Variants in CDH12 observed in about 807,000 individuals in gnomAD.
CDH12 encodes the protein cadherin-12.
A neutral mutation model predicts 74.1 loss-of-function variants in CDH12; 41 were observed. The ratio of observed to expected loss-of-function variants is 0.55; its 90% confidence interval spans 0.43 to 0.72. The LOEUF is 0.72. Ranked by LOEUF, CDH12 falls within the 30% of genes least tolerant of loss-of-function variation. The pLI is 0.00. For missense variants in CDH12, 945 were observed against 977.2 expected, an observed-to-expected ratio of 0.97 and a Z score of 0.44; for synonymous variants, 399 against 355.0, an observed-to-expected ratio of 1.12 and a Z score of -1.39.
intron 3 of CDH12, among the ~76,000 whole-genome samples, chr5:22,396,307 T>C (rs937644887): frequency 2.0e-5 from 3 of 152,254 alleles, no homozygotes; most frequent in East Asian, 1.9e-4. Context: ...TATAAAAATC[T>C]GGCTGAATCA....
At chr5:22,587,856 A>G (rs1469765002) in intron 1 of CDH12, among the ~76,000 whole-genome samples, 1 of 149,572 alleles carries the variant, frequency 6.7e-6, no homozygotes, top group Admixed American at 6.7e-5. Context: ...AGATATATAT[A>G]TATATATACA....
At chr5:22,566,316 C>T (rs1300473790) in intron 1 of CDH12, among the ~76,000 whole-genome samples, 1 of 151,478 alleles carries the variant, frequency 6.6e-6, no homozygotes, top group Non-Finnish European at 1.5e-5. Context: ...CCACTCACTG[C>T]AACCTCCACC....
intron 3 of CDH12, among the ~76,000 whole-genome samples, chr5:22,379,334 G>T (rs567511941): frequency 2.6e-5 from 4 of 152,060 alleles, no homozygotes; most frequent in Non-Finnish European, 4.4e-5. Context: ...GAAATGGCAC[G>T]CTTTCTATTT....
At chr5:21,921,166 A>G (rs1754333664) in intron 6 of CDH12, among the ~76,000 whole-genome samples, 1 of 152,200 alleles carries the variant, frequency 6.6e-6, no homozygotes, top group Non-Finnish European at 1.5e-5. Context: ...AAAAGAAATA[A>G]AAAAGACACA....
intron 1 of CDH12, among the ~76,000 whole-genome samples, chr5:22,634,044 T>C (rs1219684880): frequency 6.6e-6 from 1 of 152,116 alleles, no homozygotes; most frequent in African/African-American, 2.4e-5. Context: ...TTGAACAAGA[T>C]TATTCTAAAT....
At chr5:22,513,190 G>A (rs1164270565) in intron 1 of CDH12, among the ~76,000 whole-genome samples, 1 of 152,016 alleles carries the variant, frequency 6.6e-6, no homozygotes, top group Non-Finnish European at 1.5e-5. Context: ...TGTGGTGCAC[G>A]GTACTTAGAA....
At chr5:21,834,010 T>A (rs2149975917) in intron 8 of CDH12, among the ~76,000 whole-genome samples, 1 of 152,044 alleles carries the variant, frequency 6.6e-6, no homozygotes, top group East Asian at 1.9e-4. Context: ...AAAAAGCTGG[T>A]TTTATAATGT....
intron 1 of CDH12, among the ~76,000 whole-genome samples, chr5:22,538,861 C>G (rs188205613): frequency 6.6e-6 from 1 of 152,156 alleles, no homozygotes; most frequent in Admixed American, 6.5e-5. Flanking sequence ...TGTATTAACA[C>G]TTCATATAAT....
intron 1 of CDH12, among the ~76,000 whole-genome samples, chr5:22,649,310 G>A (rs1245686234): frequency 6.6e-6 from 1 of 152,016 alleles, no homozygotes; most frequent in African/African-American, 2.4e-5. Context: ...AACTGTGTGA[G>A]CTAATGAAAA....
chr5:22,135,063 A>C (rs951338426), intron 4 of CDH12, among the ~76,000 whole-genome samples: 25 of 152,180 alleles, frequency 1.6e-4, no homozygotes, highest in African/African-American at 5.8e-4. Context: ...AAGAGCAAAC[A>C]AATTGCACCA....
intron 1 of CDH12, among the ~76,000 whole-genome samples, chr5:22,702,618 A>G (rs532085426): frequency 2.0e-4 from 30 of 152,154 alleles, no homozygotes; most frequent in African/African-American, 6.7e-4. Context: ...ATGGGCTAAG[A>G]AGAAAGTGAA....
At chr5:22,550,830 G>T (rs1738531620) in intron 1 of CDH12, among the ~76,000 whole-genome samples, 1 of 152,166 alleles carries the variant, frequency 6.6e-6, no homozygotes, top group Non-Finnish European at 1.5e-5. Context: ...CCTGAACATG[G>T]GTTCTGCCTC....
At chr5:22,573,910 C>T (rs2126770032) in intron 1 of CDH12, among the ~76,000 whole-genome samples, 1 of 152,106 alleles carries the variant, frequency 6.6e-6, no homozygotes, top group South Asian at 2.1e-4. Flanking sequence ...CTGGAAGGAA[C>T]TAGCTTCCTT....
intron 1 of CDH12, among the ~76,000 whole-genome samples, chr5:22,657,272 C>T (rs765860165): frequency 1.3e-5 from 2 of 152,010 alleles, no homozygotes; most frequent in Non-Finnish European, 2.9e-5. Flanking sequence ...GAAATGGGTA[C>T]GAGGATGCTT....
At chr5:22,236,151 T>C (rs1752552322) in intron 3 of CDH12, among the ~76,000 whole-genome samples, 1 of 152,220 alleles carries the variant, frequency 6.6e-6, no homozygotes, top group African/African-American at 2.4e-5. Flanking sequence ...GAGCAGCGAA[T>C]GAATATGAAG....
At chr5:22,758,888 T>C (rs1158713017) in intron 1 of CDH12, among the ~76,000 whole-genome samples, 3 of 152,196 alleles carry the variant, frequency 2.0e-5, no homozygotes, top group African/African-American at 7.2e-5. Flanking sequence ...GAGAAATCTA[T>C]TGTTCTCTAG....
chr5:22,069,535 GGT>G (rs1288533887), intron 5 of CDH12, among the ~76,000 whole-genome samples: 1 of 152,116 alleles, frequency 6.6e-6, no homozygotes, highest in Non-Finnish European at 1.5e-5. Context: ...TTGACCCTAT[GGT>G]GTTATGCTAT....
intron 6 of CDH12, among the ~76,000 whole-genome samples, chr5:21,906,968 C>A (rs1015939352): frequency 6.6e-6 from 1 of 152,150 alleles, no homozygotes; most frequent in Non-Finnish European, 1.5e-5. Flanking sequence ...TGAGCCACTG[C>A]GCCCAGGCAA....
chr5:22,811,055 A>G (rs1408133880), intron 1 of CDH12, among the ~76,000 whole-genome samples: 2 of 151,780 alleles, frequency 1.3e-5, no homozygotes, highest in African/African-American at 2.4e-5. Context: ...ATACATACAC[A>G]TATATACGTA....
Sources: gnomAD v4.1 joint callset for allele counts (sites outside exome capture counted in the v4.1 genomes callset) on GRCh38, gnomAD v4.1.1 for gene constraint, MANE v1.5 for transcripts, NCBI Gene and HGNC (gene_info 2026-07-23, HGNC 2026-07-21) for gene names.